The following CSGALNACT1 variants were observed in gnomAD, a reference collection of about 807,000 sequenced individuals.
The protein encoded by CSGALNACT1 is chondroitin sulfate N-acetylgalactosaminyltransferase 1, also known as beta4GalNAcT-1.
In CSGALNACT1, 52 loss-of-function variants were observed where a neutral mutation model predicts 51.0. The ratio of observed to expected loss-of-function variants is 1.02; its 90% CI spans 0.82 to 1.29. The LOEUF is 1.29. Among genes scored for constraint, CSGALNACT1 ranks in the 50% most tolerant of loss-of-function variants. The pLI is 0.00. For synonymous variants in CSGALNACT1, 341 were observed against 254.4 expected (o/e 1.34, Z -3.24); for missense variants, 935 against 679.2 (o/e 1.38, Z -4.19).
chr8:19,436,293 T>C (rs574269199), intron 6 of CSGALNACT1, among the ~76,000 whole-genome samples: 4 of 152,244 alleles, frequency 2.6e-5, no homozygotes. Context: ...CAACTATGGG[T>C]TTTAGGAGCG....
At chr8:19,406,535 G>A (rs766588753) in intron 9 of CSGALNACT1, among the ~76,000 whole-genome samples, 4 of 144,268 alleles carry the variant, frequency 2.8e-5, no homozygotes, top group Non-Finnish European at 4.5e-5. Flanking sequence ...CCATGACCCT[G>A]ATGTGATGAT....
chr8:19,559,036 G>A (rs538872129), intron 3 of CSGALNACT1, among the ~76,000 whole-genome samples: 7 of 152,188 alleles, frequency 4.6e-5, no homozygotes, highest in African/African-American at 1.4e-4. Flanking sequence ...CAAAGCAACT[G>A]TGGCTTTCAC....
At chr8:19,575,010 G>T (rs2043863546) in intron 3 of CSGALNACT1, among the ~76,000 whole-genome samples, 1 of 150,896 alleles carries the variant, frequency 6.6e-6, no homozygotes, top group Non-Finnish European at 1.5e-5. Flanking sequence ...ACTCCAGCCT[G>T]ACAACAGAGC....
intron 3 of CSGALNACT1, among the ~76,000 whole-genome samples, chr8:19,546,194 A>G (rs1052298047): frequency 6.6e-6 from 1 of 152,184 alleles, no homozygotes; most frequent in Non-Finnish European, 1.5e-5. Flanking sequence ...GCTTTGCCCA[A>G]TTTCCATATT....
At chr8:19,620,664 G>A (rs1452143481) in intron 1 of CSGALNACT1, among the ~76,000 whole-genome samples, 1 of 152,108 alleles carries the variant, frequency 6.6e-6, no homozygotes, top group Admixed American at 6.5e-5. Context: ...TCAACTCCTG[G>A]CTTAAACAAT....
chr8:19,459,882 T>C lies in CSGALNACT1; in HGVS notation c.635-1240A>G, dbSNP rs550924088. Among the ~76,000 whole-genome samples the C allele has an allele frequency of 2.0e-5, 3 of 152,306 alleles. No homozygotes were observed. In the South Asian group the frequency reaches 6.2e-4, roughly 32 times the overall value. On this transcript the variant is annotated intron_variant, in intron 4 of 9. Transcript: ENST00000454498. ...AAGTCTAGGGACCGTGCAAACTGTG[T>C]CTCATCCCATGTCACTGTGGCTGAA...
chr8:19,493,614 T>G (rs2074847493), intron 4 of CSGALNACT1, among the ~76,000 whole-genome samples: 1 of 152,144 alleles, frequency 6.6e-6, no homozygotes, highest in Admixed American at 6.5e-5. Context: ...TGACATCTGG[T>G]TTTTAACTTG....
intron 1 of CSGALNACT1, among the ~76,000 whole-genome samples, chr8:19,651,887 T>C (rs2057833565): frequency 6.6e-6 from 1 of 151,854 alleles, no homozygotes; most frequent in African/African-American, 2.4e-5. Context: ...AATTAATGTG[T>C]TTCCTTTTCT....
intron 1 of CSGALNACT1, among the ~76,000 whole-genome samples, chr8:19,664,507 A>G (rs2059020441): frequency 2.0e-5 from 3 of 152,204 alleles, no homozygotes; most frequent in Admixed American, 1.3e-4. Flanking sequence ...AGGAAAAATC[A>G]TTACATTAAA....
intron 6 of CSGALNACT1, among the ~76,000 whole-genome samples, chr8:19,424,862 T>C (rs2058530466): frequency 6.6e-6 from 1 of 152,218 alleles, no homozygotes; most frequent in African/African-American, 2.4e-5. Context: ...GCCATGAGGC[T>C]GCAGCCCCCA....
At chr8:19,664,090 G>C (rs932617725) in intron 1 of CSGALNACT1, among the ~76,000 whole-genome samples, 4 of 152,172 alleles carry the variant, frequency 2.6e-5, no homozygotes, top group South Asian at 2.1e-4. Context: ...ACAATGGCTC[G>C]GCCCAGGCTC....
intron 4 of CSGALNACT1, among the ~76,000 whole-genome samples, chr8:19,460,457 G>A (rs1212398307): frequency 1.3e-5 from 2 of 152,058 alleles, no homozygotes; most frequent in Non-Finnish European, 2.9e-5. Context: ...TATGCTTCTG[G>A]GCATCCACTG....
chr8:19,713,720 G>T (rs902659055), intron 1 of CSGALNACT1, among the ~76,000 whole-genome samples: 1 of 152,290 alleles, frequency 6.6e-6, no homozygotes, highest in South Asian at 2.1e-4. Flanking sequence ...GACCCCCTAT[G>T]GGTTTCAGAG....
intron 1 of CSGALNACT1, among the ~76,000 whole-genome samples, chr8:19,639,675 C>T (rs1459350711): frequency 6.6e-6 from 1 of 152,048 alleles, no homozygotes; most frequent in Non-Finnish European, 1.5e-5. Flanking sequence ...ACAAAGCTTC[C>T]CTCTCTTCTT....
intron 4 of CSGALNACT1, among the ~76,000 whole-genome samples, chr8:19,501,246 C>CAAAAAAAAAAAAAAAAAAAAAAAAAA (rs35069773): frequency 2.4e-5 from 2 of 83,626 alleles, no homozygotes; most frequent in Non-Finnish European, 2.3e-5. Context: ...GACTCCGTCT[C>CAAAAAAAAAAAAAAAAAAAAAAAAAA]AAAAAAAAAA....
chr8:19,650,678 G>C (rs1016124448), intron 1 of CSGALNACT1, among the ~76,000 whole-genome samples: 1 of 152,118 alleles, frequency 6.6e-6, no homozygotes, highest in Non-Finnish European at 1.5e-5. Flanking sequence ...ATAGCAGACA[G>C]TGTGTGTGAG....
At chr8:19,635,758 T>C (rs2055962332) in intron 1 of CSGALNACT1, among the ~76,000 whole-genome samples, 1 of 152,146 alleles carries the variant, frequency 6.6e-6, no homozygotes, top group African/African-American at 2.4e-5. Context: ...GACGGAGTCT[T>C]GCTCTGTTGC....
chr8:19,461,452 T>G (rs1379196730), intron 4 of CSGALNACT1, among the ~76,000 whole-genome samples: 1 of 151,836 alleles, frequency 6.6e-6, no homozygotes, highest in Non-Finnish European at 1.5e-5. Flanking sequence ...ATGCAGGGCA[T>G]AACTGCACAG....
chr8:19,456,101 T>G (rs1212866636), intron 5 of CSGALNACT1, among the ~76,000 whole-genome samples: 2 of 152,234 alleles, frequency 1.3e-5, no homozygotes, highest in Admixed American at 6.5e-5. Context: ...TTTCACCCGT[T>G]TTGAGGCTTG....
Sources: allele counts gnomAD v4.1 joint callset (sites outside exome capture counted in the v4.1 genomes callset), GRCh38; gene constraint gnomAD v4.1.1; transcripts MANE v1.5; gene names NCBI Gene and HGNC (gene_info 2026-07-23, HGNC 2026-07-21).